The following CCSER1 variants were observed in gnomAD, a reference collection of about 807,000 sequenced individuals.
CCSER1 encodes the protein serine-rich coiled-coil domain-containing protein 1.
In CCSER1, 41 loss-of-function variants were observed where a neutral mutation model predicts 82.0. That is an observed-to-expected ratio of 0.50 (90% CI 0.39 to 0.65). CCSER1 has a LOEUF of 0.65. Ranked by LOEUF, CCSER1 falls within the 30% of genes least tolerant of loss-of-function variation. CCSER1 has a pLI of 0.00. For synonymous variants in CCSER1, 414 were observed against 383.9 expected, an observed-to-expected ratio of 1.08 and a Z score of -0.92; for missense variants, 1,119 against 1,064.2, an observed-to-expected ratio of 1.05 and a Z score of -0.72.
At chr4:91,093,298 G>A (rs1010717034) in intron 10 of CCSER1, among the ~76,000 whole-genome samples, 12 of 152,190 alleles carry the variant, frequency 7.9e-5, no homozygotes, top group Non-Finnish European at 1.5e-4. Flanking sequence ...CTCGAAGATC[G>A]AGTCTGCTAG....
intron 4 of CCSER1, among the ~76,000 whole-genome samples, chr4:90,439,472 G>T (rs1290945802): frequency 6.6e-6 from 1 of 152,110 alleles, no homozygotes; most frequent in African/African-American, 2.4e-5. Context: ...ATTTGCAAAA[G>T]ACTATACTTC....
chr4:91,543,870 C>G (rs945249915), intron 10 of CCSER1, among the ~76,000 whole-genome samples: 4 of 152,188 alleles, frequency 2.6e-5, no homozygotes, highest in African/African-American at 7.2e-5. Flanking sequence ...TGGGGAAGTT[C>G]TCCTGGATAA....
intron 1 of CCSER1, among the ~76,000 whole-genome samples, chr4:90,251,265 A>G (rs532451184): frequency 6.6e-6 from 1 of 151,996 alleles, no homozygotes; most frequent in East Asian, 1.9e-4. Flanking sequence ...GTTCGGTATA[A>G]TAATGAATAA....
rs1762154313 is a variant in CCSER1, at chr4:90,838,789, C to A, written c.2094+22944C>A. ...TTTGATGTGAAAGGGGCAGCACAGTCATTTAAACTTGATCCAACCTCTTTG... is the reference window on the plus strand; with the variant it reads ...TTTGATGTGAAAGGGGCAGCACAGTAATTTAAACTTGATCCAACCTCTTTG... On this transcript the variant is annotated intron_variant, in intron 8 of 10. Transcript: ENST00000509176. 7.4e-6 allele frequency: 10 copies of A among 1,344,856 alleles called. No individual in the cohort carries two copies. The South Asian group carries it at 1.1e-4, about 14-fold the overall frequency. 83.3% of individuals were successfully genotyped at this position (1,344,856 alleles called of 1,614,324 possible).
In CCSER1 at chr4:90,484,657, G is replaced by A. The variant is rs999316841; in HGVS notation, c.1724+16303G>A. On this transcript the variant is annotated intron_variant, in intron 5 of 10. Transcript: ENST00000509176. ...GTCCACTCCAGACCCTGTTTGCCTG[G>A]GTATCAGCAGCGGTGGCTGCAGAAC... Among the ~76,000 whole-genome samples the A allele has an allele frequency of 5.9e-5, 9 of 152,240 alleles. No homozygotes were observed. In the East Asian group the frequency reaches 1.5e-3, roughly 26 times the overall value.
chr4:90,484,996 G>A (rs901580431), intron 5 of CCSER1, among the ~76,000 whole-genome samples: 5 of 152,212 alleles, frequency 3.3e-5, no homozygotes, highest in African/African-American at 1.2e-4. Context: ...GGGCAGGCAG[G>A]CCTCCTTGAG....
intron 3 of CCSER1, among the ~76,000 whole-genome samples, chr4:90,372,742 C>G (rs1747652204): frequency 6.6e-6 from 1 of 151,366 alleles, no homozygotes; most frequent in Non-Finnish European, 1.5e-5. Flanking sequence ...AGAATGAAAA[C>G]CCATCTGAAA....
chr4:90,356,839 G>T (rs1270016599), intron 3 of CCSER1, among the ~76,000 whole-genome samples: 2 of 151,832 alleles, frequency 1.3e-5, no homozygotes, highest in East Asian at 1.9e-4. Context: ...CAATGAAGCT[G>T]TCTGATATTT....
chr4:91,375,810 G>A (rs1750372865), intron 10 of CCSER1, among the ~76,000 whole-genome samples: 1 of 151,938 alleles, frequency 6.6e-6, no homozygotes, highest in African/African-American at 2.4e-5. Flanking sequence ...CAAAACCAAA[G>A]GGATTACTCA....
intron 5 of CCSER1, among the ~76,000 whole-genome samples, chr4:90,492,311 G>A (rs1250932002): frequency 6.6e-6 from 1 of 152,132 alleles, no homozygotes; most frequent in Admixed American, 6.6e-5. Flanking sequence ...GCATAGAGGT[G>A]TTTATAGTAT....
In CCSER1 at chr4:90,561,444, CAT is replaced by C. The variant is rs568440812; in HGVS notation, c.1725-66577_1725-66576del. 1.4e-4 allele frequency among the ~76,000 whole-genome samples: 21 copies of C among 152,270 alleles called. No homozygotes were observed. The South Asian group carries it at 4.3e-3, about 32-fold the overall frequency. Reference sequence around the variant, plus strand: ...TTTAGCTGAAAGATGTGTAAAATCTCATATAGTCAAATAGCTCCCTCTTGACT... The same window carrying C: ...TTTAGCTGAAAGATGTGTAAAATCTCATAGTCAAATAGCTCCCTCTTGACT... On this transcript the variant is annotated intron_variant, in intron 5 of 10. Coordinates refer to ENST00000509176, the MANE Select transcript of CCSER1 (RefSeq NM_001145065.2).
chr4:90,699,155 C>T (rs1579997339), intron 6 of CCSER1, among the ~76,000 whole-genome samples: 1 of 152,072 alleles, frequency 6.6e-6, no homozygotes, highest in East Asian at 1.9e-4. Flanking sequence ...GCAGCTTAGA[C>T]TTCAATGCAA....
intron 3 of CCSER1, among the ~76,000 whole-genome samples, chr4:90,371,083 C>T (rs1031233425): frequency 3.3e-5 from 5 of 151,940 alleles, no homozygotes; most frequent in African/African-American, 1.2e-4. Flanking sequence ...CTATAAATAA[C>T]TGTCTAGTTT....
chr4:90,280,642 C>T (rs1451519537), intron 1 of CCSER1, among the ~76,000 whole-genome samples: 1 of 151,940 alleles, frequency 6.6e-6, no homozygotes, highest in African/African-American at 2.4e-5. Flanking sequence ...GTCTATAAAT[C>T]AGATCTAACG....
At chr4:91,290,408 A>G in intron 10 of CCSER1, among the ~76,000 whole-genome samples, 1 of 151,962 alleles carries the variant, frequency 6.6e-6, no homozygotes, top group East Asian at 1.9e-4. Flanking sequence ...GTGTTTTTGT[A>G]GTTTATGCCT....
intron 3 of CCSER1, among the ~76,000 whole-genome samples, chr4:90,323,898 C>A (rs980791272): frequency 3.9e-5 from 6 of 152,038 alleles, no homozygotes; most frequent in African/African-American, 7.2e-5. Context: ...CAGTTCCCAT[C>A]TATGAGTGAG....
chr4:90,840,219 A>G (rs931965835), intron 8 of CCSER1, among the ~76,000 whole-genome samples: 1 of 152,124 alleles, frequency 6.6e-6, no homozygotes, highest in Non-Finnish European at 1.5e-5. Flanking sequence ...AGTTCTACCA[A>G]TATCTAATAT....
intron 7 of CCSER1, among the ~76,000 whole-genome samples, chr4:90,783,980 GA>G (rs915570754): frequency 4.6e-5 from 7 of 151,726 alleles, no homozygotes; most frequent in South Asian, 2.1e-4. Flanking sequence ...CAAAAAAAAA[GA>G]AAAAAAACTC....
chr4:90,372,061 T>A (rs557633149), intron 3 of CCSER1, among the ~76,000 whole-genome samples: 2 of 152,272 alleles, frequency 1.3e-5, no homozygotes, highest in African/African-American at 4.8e-5. Flanking sequence ...TCAAAAATCG[T>A]TTGGAACTCT....
Sources: gnomAD v4.1 joint callset for allele counts (sites outside exome capture counted in the v4.1 genomes callset) on GRCh38, gnomAD v4.1.1 for gene constraint, MANE v1.5 for transcripts, NCBI Gene and HGNC (gene_info 2026-07-23, HGNC 2026-07-21) for gene names.